NIPSNAP2: variants seen among roughly 807,000 people sequenced by gnomAD.
NIPSNAP2 encodes nipsnap homolog 2.
In NIPSNAP2, 42 loss-of-function variants were observed where a neutral mutation model predicts 48.4. That is an observed-to-expected ratio of 0.87 (90% CI 0.68 to 1.12). NIPSNAP2 has a LOEUF of 1.12. Among genes scored for constraint, NIPSNAP2 ranks in the 50% most tolerant of loss-of-function variants. NIPSNAP2 has a pLI of 0.00. For missense variants in NIPSNAP2, 314 were observed against 347.3 expected (o/e 0.90, Z 0.76); for synonymous variants, 158 against 126.6 (o/e 1.25, Z -1.67).
intron 1 of NIPSNAP2, among the ~76,000 whole-genome samples, chr7:55,969,706 G>A (rs190720434): frequency 6.6e-6 from 1 of 152,214 alleles, no homozygotes; most frequent in African/African-American, 2.4e-5. Flanking sequence ...TCATATTGCC[G>A]GGCGCGGTGG....
intron 3 of NIPSNAP2, chr7:55,979,931 G>C: frequency 2.2e-6 from 1 of 445,586 alleles, no homozygotes; most frequent in Non-Finnish European, 4.5e-6. Flanking sequence ...CCCCAGCAAA[G>C]AGGAGTGGCT....
Position 55,978,551 on chromosome 7 carries a change from G to A in NIPSNAP2, c.278+156G>A, listed in dbSNP as rs1362738853. 69 of 693,466 alleles carry A rather than the reference G, an allele frequency of 1.0e-4. No individual in the cohort carries two copies. The South Asian group carries it at 1.4e-3, about 14-fold the overall frequency. The allele number at this position is 693,466 out of a possible 1,614,324, so 43.0% of individuals were successfully genotyped here. A position where few individuals can be genotyped will look rare whatever the true frequency, so the allele number is the denominator to read the frequency against. On this transcript the variant is annotated intron_variant, in intron 3 of 9. Transcript: ENST00000322090. ...CTTAAACTGAGCTTCATGTGGGATT[G>A]CCGAAGGCGTTTTGATTTTAAGCAC...
intron 7 of NIPSNAP2, among the ~76,000 whole-genome samples, chr7:55,993,699 C>T (rs113163630): frequency 0.035 from 5,336 of 151,814 alleles, 321 homozygotes; most frequent in African/African-American, 0.12. Context: ...GAGATCACGC[C>T]GCTGCACTCC....
chr7:55,996,825 T>G (rs1031039748), intron 8 of NIPSNAP2, among the ~76,000 whole-genome samples: 6 of 152,066 alleles, frequency 3.9e-5, no homozygotes, highest in Non-Finnish European at 7.4e-5. Context: ...TCCAGGTGTT[T>G]GAGACCAGCT....
Position 55,964,624 on chromosome 7 carries a change from G to C in NIPSNAP2, c.15G>C (p.Val5=). The change falls in exon 1 of 10, where the codon GTG becomes GTC. Residue 5 remains valine, a synonymous_variant. Transcript: ENST00000322090. ...CGCCGAGCAAGATGGCGGCGCGAGT[G>C]CTGCGCGCCCGCGGAGCGGCCTGGG... MAAR[V]LRARGAAWAG... 2 of 1,054,772 alleles carry C rather than the reference G, an allele frequency of 1.9e-6. No individual in the cohort carries two copies. Among genetic ancestry groups the C allele is most frequent in the Non-Finnish European group, 2.3e-6 (2 of 876,420 alleles). The allele number at this position is 1,054,772 out of a possible 1,614,324, so 65.3% of individuals were successfully genotyped here. A position where few individuals can be genotyped will look rare whatever the true frequency, so the allele number is the denominator to read the frequency against.
chr7:55,970,449 C>T (rs1786996383), intron 1 of NIPSNAP2, among the ~76,000 whole-genome samples: 1 of 151,776 alleles, frequency 6.6e-6, no homozygotes, highest in Admixed American at 6.6e-5. Context: ...GCTGGGACTA[C>T]AGGCGTCCAC....
intron 8 of NIPSNAP2, among the ~76,000 whole-genome samples, chr7:55,995,900 G>C (rs1013477351): frequency 3.3e-5 from 5 of 152,142 alleles, no homozygotes; most frequent in African/African-American, 1.2e-4. Context: ...ATTGCTTGAG[G>C]CCAGGAGTTT....
intron 1 of NIPSNAP2, among the ~76,000 whole-genome samples, chr7:55,972,729 C>A (rs1004679948): frequency 4.6e-5 from 7 of 152,062 alleles, no homozygotes; most frequent in Non-Finnish European, 8.8e-5. Context: ...GTGCCCAGCC[C>A]ATGATATTAT....
chr7:55,983,742 T>C lies in NIPSNAP2; in HGVS notation c.459T>C (p.Phe153=). The change falls in exon 6 of 10, where the codon TTT becomes TTC. Residue 153 remains phenylalanine (F), a synonymous_variant. Coordinates refer to ENST00000322090, the MANE Select transcript of NIPSNAP2 (RefSeq NM_001483.3). ...TTCACTCAAAGGAATTTTTGGAATT[T>C]CGTAAGGCAAGAAGTGACATGCTTC... ...KLRENKEFLE[F]RKARSDMLLS... The C allele has an allele frequency of 1.2e-6, 2 of 1,613,356 alleles. No homozygotes were observed. The highest frequency in any genetic ancestry group is 1.7e-6 in the Non-Finnish European group (2 of 1,179,862).
intron 1 of NIPSNAP2, among the ~76,000 whole-genome samples, chr7:55,969,146 AGTCTT>A (rs908402883): frequency 3.3e-5 from 5 of 152,206 alleles, no homozygotes; most frequent in African/African-American, 1.2e-4. Context: ...AGGGCAGAAA[AGTCTT>A]GTCATGTTTA....
At chr7:55,977,305 C>G (rs570230521) in intron 1 of NIPSNAP2, among the ~76,000 whole-genome samples, 10 of 152,002 alleles carry the variant, frequency 6.6e-5, no homozygotes, top group African/African-American at 2.4e-4. Context: ...GCAGGAGAAT[C>G]GCTTGAACCT....
chr7:55,984,405 T>C (rs1787284836), intron 6 of NIPSNAP2, among the ~76,000 whole-genome samples: 1 of 152,042 alleles, frequency 6.6e-6, no homozygotes, highest in South Asian at 2.1e-4. Flanking sequence ...AGTGAGACCC[T>C]GTCTCTATTA....
Position 55,966,604 on chromosome 7 carries a change from A to G in NIPSNAP2, c.92+1903A>G, listed in dbSNP as rs577998113. Among the ~76,000 whole-genome samples, 11 of 152,234 alleles carry G rather than the reference A, an allele frequency of 7.2e-5. No individual in the cohort carries two copies. In the East Asian group the frequency reaches 1.9e-3, roughly 27 times the overall value. Reference sequence around the variant, plus strand: ...TCGAGACCATCCCAGGCAACATGACAAAACACATCTCTACAAAAAATACAA... The same window carrying G: ...TCGAGACCATCCCAGGCAACATGACGAAACACATCTCTACAAAAAATACAA... On this transcript the variant is annotated intron_variant, in intron 1 of 9. Transcript: ENST00000322090.
intron 7 of NIPSNAP2, among the ~76,000 whole-genome samples, chr7:55,992,438 T>A (rs766834787): frequency 2.0e-5 from 3 of 152,060 alleles, no homozygotes; most frequent in Non-Finnish European, 2.9e-5. Context: ...TGCAGTCAGC[T>A]AAGATCATGC....
At chr7:55,964,896 A>G (rs893714466) in intron 1 of NIPSNAP2, 195 bp downstream of exon 1, 36 of 210,302 alleles carry the variant, frequency 1.7e-4, no homozygotes, top group Non-Finnish European at 2.9e-4. Context: ...GCTCAAGGTC[A>G]CGGAGGGGAC....
At chr7:55,998,693 G>T (rs1042780446) in intron 9 of NIPSNAP2, among the ~76,000 whole-genome samples, 12 of 151,808 alleles carry the variant, frequency 7.9e-5, no homozygotes, top group African/African-American at 2.9e-4. Context: ...TAGAGACAGG[G>T]TTTCACCCTG....
chr7:55,971,669 CTG>C (rs1787018409), intron 1 of NIPSNAP2, among the ~76,000 whole-genome samples: 1 of 151,974 alleles, frequency 6.6e-6, no homozygotes, highest in African/African-American at 2.4e-5. Flanking sequence ...TCTTCCTATG[CTG>C]CCCAGGCTGA....
intron 7 of NIPSNAP2, among the ~76,000 whole-genome samples, chr7:55,990,297 C>G (rs1163890872): frequency 6.7e-6 from 1 of 148,670 alleles, no homozygotes; most frequent in Non-Finnish European, 1.5e-5. Context: ...GGTGCGAACT[C>G]GGCTCACTGC....
rs1787086705 is a variant in NIPSNAP2 at position 55,975,274 on chromosome 7, G to A, written c.93-2852G>A. ...AGGCTGAGGTGGGGGAATCGTTTGA[G>A]CTCTGGGGGTCAAGGCTGCAGTGAG... On this transcript the variant is annotated intron_variant, in intron 1 of 9. Transcript: ENST00000322090. Among the ~76,000 whole-genome samples the A allele has an allele frequency of 2.0e-5, 3 of 151,922 alleles. No homozygotes were observed. In the South Asian group the frequency reaches 6.2e-4, roughly 32 times the overall value.
Sources: allele counts gnomAD v4.1 joint callset (sites outside exome capture counted in the v4.1 genomes callset), GRCh38; gene constraint gnomAD v4.1.1; transcripts MANE v1.5; gene names NCBI Gene and HGNC (gene_info 2026-07-23, HGNC 2026-07-21).